Variants in PLCH1 observed in about 807,000 individuals in gnomAD.
PLCH1 encodes 1-phosphatidylinositol 4,5-bisphosphate phosphodiesterase eta-1.
A neutral mutation model predicts 126.7 loss-of-function variants in PLCH1; 60 were observed. That is an observed-to-expected ratio of 0.47 (90% confidence interval 0.38 to 0.59). PLCH1 has a LOEUF of 0.59. Among genes scored for constraint, PLCH1 ranks in the 20% least tolerant of loss-of-function variants. The probability of loss-of-function intolerance (pLI) is 0.00; values close to 1 mark genes in which losing one functional copy is unlikely to be tolerated. For synonymous variants in PLCH1, 719 were observed against 734.9 expected (o/e 0.98, Z 0.35); for missense variants, 1,723 against 2,040.0 (o/e 0.84, Z 2.99).
intron 2 of PLCH1, among the ~76,000 whole-genome samples, chr3:155,669,050 T>C (rs1009370094): frequency 6.6e-6 from 1 of 152,018 alleles, no homozygotes; most frequent in Non-Finnish European, 1.5e-5. Context: ...GTACTACATG[T>C]ACTGACATCT....
Position 155,599,256 on chromosome 3 carries a change from C to T in PLCH1, c.80-2878G>A, listed in dbSNP as rs146147800. Among the ~76,000 whole-genome samples, 641 of 151,940 alleles carry T rather than the reference C, an allele frequency of 4.2e-3. 1 individual carries two copies. The highest frequency in any genetic ancestry group is 7.1e-3 in the Admixed American group (108 of 15,262). On this transcript the variant is annotated intron_variant, in intron 2 of 22. Transcript: ENST00000460012. ...TTATTGAAATAGTTAAAAATAAATG[C>T]CCAGTCAGAAGTAAATACAGAAATA...
chr3:155,687,982 C>T (rs950289748), intron 2 of PLCH1, among the ~76,000 whole-genome samples: 3 of 152,148 alleles, frequency 2.0e-5, no homozygotes, highest in African/African-American at 7.2e-5. Flanking sequence ...CAGTGAAATC[C>T]TTACTGGATC....
chr3:155,476,496 A>C (rs1216323085), downstream of PLCH1, among the ~76,000 whole-genome samples: 1 of 152,184 alleles, frequency 6.6e-6, no homozygotes, highest in Non-Finnish European at 1.5e-5. Flanking sequence ...AAAAGGAAGA[A>C]GTCAAATTAT....
intron 21 of PLCH1, among the ~76,000 whole-genome samples, chr3:155,454,047 A>G (rs1712378313): frequency 6.6e-6 from 1 of 152,144 alleles, no homozygotes; most frequent in Non-Finnish European, 1.5e-5. Context: ...ATGCCATAAG[A>G]TAACCATAAT....
At chr3:155,500,208 T>C (rs564860572) in intron 14 of PLCH1, among the ~76,000 whole-genome samples, 2 of 152,330 alleles carry the variant, frequency 1.3e-5, no homozygotes, top group East Asian at 1.9e-4. Context: ...TTTTTTTGAA[T>C]ACTTATTTAA....
intron 2 of PLCH1, among the ~76,000 whole-genome samples, chr3:155,646,331 G>A (rs895583325): frequency 1.1e-4 from 17 of 151,904 alleles, no homozygotes; most frequent in African/African-American, 3.1e-4. Flanking sequence ...CCTGAACTTC[G>A]CCCCCTCTGT....
chr3:155,462,076 A>G (rs1270147637), intron 21 of PLCH1, among the ~76,000 whole-genome samples: 4 of 152,354 alleles, frequency 2.6e-5, no homozygotes, highest in Admixed American at 2.0e-4. Flanking sequence ...TAGAGGACAC[A>G]TTGTGTTCCA....
intron 2 of PLCH1, among the ~76,000 whole-genome samples, chr3:155,607,492 G>A (rs1288210374): frequency 1.3e-5 from 2 of 151,896 alleles, no homozygotes; most frequent in Admixed American, 1.3e-4. Flanking sequence ...CCAGGCTGGA[G>A]TGCACTGGTG....
intron 10 of PLCH1, among the ~76,000 whole-genome samples, chr3:155,537,224 A>ACC (rs1723544822): frequency 9.8e-5 from 1 of 10,166 alleles, no homozygotes; most frequent in African/African-American, 1.5e-4. Flanking sequence ...AAAAAAAAAA[A>ACC]AAAAAAAAAC....
At chr3:155,561,909 G>A (rs1246059729) in intron 8 of PLCH1, among the ~76,000 whole-genome samples, 1 of 152,122 alleles carries the variant, frequency 6.6e-6, no homozygotes, top group South Asian at 2.1e-4. Context: ...AGCCTCCTGA[G>A]CAGCTGGGAC....
In PLCH1 at chr3:155,704,182, G is replaced by C. The variant is rs920380944; in HGVS notation, c.43C>G (p.Arg15Gly). 2.4e-6 allele frequency: 3 copies of C among 1,229,510 alleles called. No individual in the cohort carries two copies. Among genetic ancestry groups the C allele is most frequent in the Admixed American group, 4.2e-5 (1 of 23,708 alleles). 76.2% of individuals were successfully genotyped at this position (1,229,510 alleles called of 1,614,324 possible). A position where few individuals can be genotyped will look rare whatever the true frequency, so the allele number is the denominator to read the frequency against. The part of the protein sequence containing the change: ...NLEKRNCVQY[R>G]RHFLVDNSVF... ...CTGTTGTCCACCAGAAAATGCCTGC[G>C]GTACTGCACACAGTTCCTTTTTTCC... is the stretch of plus-strand genomic sequence containing the variant. The change falls in exon 2 of 23, where the codon CGC becomes GGC. Residue 15 changes from arginine (R) to glycine (G), a missense_variant. Physicochemically the swap from Arg to Gly is moderately radical, Grantham distance 125. This residue lies in a region of PLCH1 where 776 missense variants were observed against 1,062.9 expected (regional missense o/e 0.73). Coordinates refer to ENST00000460012, the MANE Select transcript of PLCH1 (RefSeq NM_014996.4).
chr3:155,464,624 C>T (rs1244712236), intron 21 of PLCH1, among the ~76,000 whole-genome samples: 1 of 152,130 alleles, frequency 6.6e-6, no homozygotes. Flanking sequence ...TGAGACCTCA[C>T]TTGTGTGAGT....
At chr3:155,742,390 A>G (rs1480888625) in intron 1 of PLCH1, 1 of 152,210 alleles carries the variant, frequency 6.6e-6, no homozygotes, top group Non-Finnish European at 1.5e-5. Flanking sequence ...GGGAAAATAT[A>G]TCAAACGGAA....
At chr3:155,510,169 A>G (rs1443065925) in intron 12 of PLCH1, among the ~76,000 whole-genome samples, 18 of 94,154 alleles carry the variant, frequency 1.9e-4, no homozygotes, top group South Asian at 4.1e-4. Context: ...CAGAGACTAG[A>G]ATTGCAACCC....
chr3:155,520,360 T>C (rs969328894), intron 11 of PLCH1, among the ~76,000 whole-genome samples: 2 of 152,198 alleles, frequency 1.3e-5, no homozygotes, highest in African/African-American at 2.4e-5. Context: ...GTGAGAGATA[T>C]ACACATGCAG....
Position 155,480,636 on chromosome 3 carries a change from A to G in PLCH1, c.*332T>C. The G allele has an allele frequency of 4.8e-6, 1 of 207,546 alleles. No homozygotes were observed. Among genetic ancestry groups the G allele is most frequent in the African/African-American group, 2.3e-5 (1 of 43,588 alleles). The allele number at this position is 207,546 out of a possible 1,614,324, so 12.9% of individuals were successfully genotyped here. On this transcript the variant is annotated 3_prime_UTR_variant, in exon 23 of 23. Coordinates refer to ENST00000460012, the MANE Select transcript of PLCH1 (RefSeq NM_014996.4). ...AAAAATGACTACATTTGTGACTGCA[A>G]TCTGAGGACACAGTAAAGGACATCT...
intron 22 of PLCH1, chr3:155,483,451 GAT>G: frequency 1.1e-6 from 1 of 948,900 alleles, no homozygotes; most frequent in Middle Eastern, 2.1e-4. Context: ...CTGTAAGCAA[GAT>G]ACTATAAGCT....
At chr3:155,602,157 A>AG (rs1733828600) in intron 2 of PLCH1, among the ~76,000 whole-genome samples, 2 of 152,338 alleles carry the variant, frequency 1.3e-5, no homozygotes, top group South Asian at 2.1e-4. Flanking sequence ...ATAATGAGGA[A>AG]GATCTCTATG....
At chr3:155,586,619 A>G (rs551964237) in intron 4 of PLCH1, among the ~76,000 whole-genome samples, 4 of 151,680 alleles carry the variant, frequency 2.6e-5, no homozygotes, top group Admixed American at 2.6e-4. Context: ...AGGCAGGAGA[A>G]CTGCTTGAAC....
Sources: allele counts gnomAD v4.1 joint callset (sites outside exome capture counted in the v4.1 genomes callset), GRCh38; gene constraint gnomAD v4.1.1; regional missense constraint gnomAD v4.1.1; transcripts MANE v1.5; gene names NCBI Gene and HGNC (gene_info 2026-07-23, HGNC 2026-07-21).